RIC3: variants seen among roughly 807,000 people sequenced by gnomAD.
RIC3 encodes protein RIC-3.
RIC3 carries 28 observed loss-of-function variants against 27.3 expected under a neutral mutation model. The ratio of observed to expected loss-of-function variants is 1.02; its 90% CI spans 0.76 to 1.41. The LOEUF (loss-of-function observed/expected upper bound fraction) is 1.41. Ranked by LOEUF, RIC3 falls within the 40% of genes most tolerant of loss-of-function variation. The pLI is 0.00. For synonymous variants in RIC3, 184 were observed against 160.4 expected (o/e 1.15, Z -1.11); for missense variants, 501 against 444.7 (o/e 1.13, Z -1.14).
chr11:8,131,447 G>C (rs1315961709), intron 4 of RIC3, among the ~76,000 whole-genome samples: 2 of 152,024 alleles, frequency 1.3e-5, no homozygotes, highest in Non-Finnish European at 2.9e-5. Context: ...ATGCCATCTT[G>C]GACATTCATT....
chr11:8,155,558 A>G (rs115967015), intron 1 of RIC3, among the ~76,000 whole-genome samples: 2,576 of 152,304 alleles, frequency 0.017, 76 homozygotes, highest in African/African-American at 0.058. Flanking sequence ...CGTAGGTGAC[A>G]GTGAGACTCC....
chr11:8,127,979 C>T (rs1947190980), intron 4 of RIC3, among the ~76,000 whole-genome samples: 1 of 152,018 alleles, frequency 6.6e-6, no homozygotes, highest in African/African-American at 2.4e-5. Flanking sequence ...TGGAAAACAC[C>T]ACGAGCTCCA....
intron 1 of RIC3, among the ~76,000 whole-genome samples, chr11:8,163,026 C>A (rs1233288320): frequency 7.0e-6 from 1 of 142,272 alleles, no homozygotes; most frequent in Non-Finnish European, 1.5e-5. Context: ...TAAACACACA[C>A]ACACACACAC....
chr11:8,139,833 G>C lies in RIC3; in HGVS notation c.351+134C>G, dbSNP rs2133908370. The C allele has an allele frequency of 2.3e-5, 17 of 744,512 alleles. No individual in the cohort carries two copies. The South Asian group carries it at 3.3e-4, about 14-fold the overall frequency. 46.1% of individuals were successfully genotyped at this position (744,512 alleles called of 1,614,324 possible). On this transcript the variant is annotated intron_variant, in intron 2 of 5. Coordinates refer to ENST00000309737, the MANE Select transcript of RIC3 (RefSeq NM_001206671.4). ...ATGGCTATCCTAAGTACCTCATGAA[G>C]AGGAGGCAGGATTTAAAGAGATGAT...
At chr11:8,139,860 G>A in intron 2 of RIC3, 107 bp downstream of exon 2, 2 of 977,726 alleles carry the variant, frequency 2.0e-6, no homozygotes, top group Non-Finnish European at 1.5e-6. Flanking sequence ...AGAGATGATG[G>A]ATTTGAAATA....
At chr11:8,100,699 G>GA in the RIC3 span, 14,065 of 1,520,140 alleles carry the variant, frequency 9.3e-3, 97 homozygotes, top group South Asian at 0.018. Context: ...ATGTGGAGGG[G>GA]TACCATGTGA....
At chr11:8,159,027 G>A (rs1422285406) in intron 1 of RIC3, among the ~76,000 whole-genome samples, 15 of 151,360 alleles carry the variant, frequency 9.9e-5, no homozygotes, top group African/African-American at 2.7e-4. Context: ...CACCGCGCTC[G>A]GCCACAGAGC....
chr11:8,129,257 C>T (rs1226207120), intron 4 of RIC3, among the ~76,000 whole-genome samples: 1 of 151,908 alleles, frequency 6.6e-6, no homozygotes, highest in African/African-American at 2.4e-5. Flanking sequence ...TTCCACCCAC[C>T]TCCCAAAACA....
chr11:8,110,771 C>A lies in RIC3; in HGVS notation c.1037G>T (p.Gly346Val), dbSNP rs1945152321. 1 of 1,614,166 alleles carries A rather than the reference C, an allele frequency of 6.2e-7. No individual in the cohort carries two copies. The highest frequency in any genetic ancestry group is 8.5e-7 in the Non-Finnish European group (1 of 1,180,024). The change falls in exon 6 of 6, where the codon GGG becomes GTG. Residue 346 changes from glycine (G) to valine (V), a missense_variant. Coordinates refer to ENST00000309737, the MANE Select transcript of RIC3 (RefSeq NM_001206671.4). ...TGCTTTATCGGTGCTGATGCCCAAC[C>A]CTTCATCTTTAAAGTCTTGGGACCA... ...EEWSQDFKDE[G>V]LGISTDKAYT... is the part of the protein sequence containing the mutation.
At chr11:8,116,822 G>C (rs1945903690) in intron 5 of RIC3, among the ~76,000 whole-genome samples, 1 of 152,170 alleles carries the variant, frequency 6.6e-6, no homozygotes. Context: ...ATGTAAACTA[G>C]TACAGTCACT....
the RIC3 span, among the ~76,000 whole-genome samples, chr11:8,096,496 T>C: frequency 2.6e-5 from 4 of 152,188 alleles, no homozygotes; most frequent in Non-Finnish European, 1.5e-5. Flanking sequence ...TATCCTTTTA[T>C]ATCTGGACAT....
intron 4 of RIC3, among the ~76,000 whole-genome samples, chr11:8,134,757 C>T (rs1265441214): frequency 1.3e-5 from 2 of 152,128 alleles, no homozygotes. Flanking sequence ...TGATGATGAG[C>T]ATTTTTTCAT....
chr11:8,138,070 G>A (rs55734038), intron 3 of RIC3, among the ~76,000 whole-genome samples: 10,157 of 152,222 alleles, frequency 0.067, 389 homozygotes, highest in South Asian at 0.11. Flanking sequence ...ATATTAAAAA[G>A]TGAACTGGTG....
intron 5 of RIC3, among the ~76,000 whole-genome samples, chr11:8,116,353 C>T (rs962436827): frequency 1.3e-5 from 2 of 152,148 alleles, no homozygotes; most frequent in African/African-American, 4.8e-5. Context: ...AGGGAAAAAG[C>T]TCCATGACAT....
chr11:8,125,078 C>A (rs569876849), intron 5 of RIC3, among the ~76,000 whole-genome samples: 1 of 151,740 alleles, frequency 6.6e-6, no homozygotes, highest in East Asian at 1.9e-4. Context: ...ATGGTGAAAC[C>A]CCGTCTCTAC....
At chr11:8,132,664 A>G (rs985881848) in intron 4 of RIC3, among the ~76,000 whole-genome samples, 1 of 152,214 alleles carries the variant, frequency 6.6e-6, no homozygotes, top group South Asian at 2.1e-4. Context: ...GTTCTTACTT[A>G]AGCATTAAGG....
Position 8,155,218 on chromosome 11 carries a change from T to TAAA in RIC3, c.124+13645_124+13647dup, listed in dbSNP as rs61400460. On this transcript the variant is annotated intron_variant, in intron 1 of 5. Coordinates refer to ENST00000309737, the MANE Select transcript of RIC3 (RefSeq NM_001206671.4). ...GCCTGGGCAACAGGAGACCCCATCT[T>TAAA]AAAAAAAAAAAAAAAAAAAAAATTC... Among the ~76,000 whole-genome samples the TAAA allele has an allele frequency of 4.5e-3, 544 of 120,980 alleles. 2 individuals are homozygous for TAAA. The highest frequency in any genetic ancestry group is 6.0e-3 in the Non-Finnish European group (348 of 58,390). 79.4% of individuals were successfully genotyped at this position (120,980 alleles called of 152,430 possible).
At chr11:8,099,597 T>C in the RIC3 span, among the ~76,000 whole-genome samples, 1 of 152,184 alleles carries the variant, frequency 6.6e-6, no homozygotes, top group African/African-American at 2.4e-5. Context: ...TGAACAGACA[T>C]AAATGTATAC....
intron 1 of RIC3, among the ~76,000 whole-genome samples, chr11:8,151,364 G>C (rs1035104124): frequency 2.0e-5 from 3 of 151,736 alleles, no homozygotes; most frequent in African/African-American, 7.3e-5. Context: ...GAGACGGGCG[G>C]ATCACGAGGT....
Sources: allele counts gnomAD v4.1 joint callset (sites outside exome capture counted in the v4.1 genomes callset), GRCh38; gene constraint gnomAD v4.1.1; transcripts MANE v1.5; gene names NCBI Gene and HGNC (gene_info 2026-07-23, HGNC 2026-07-21).